The following KIAA1328 variants were observed in gnomAD, a reference collection of about 807,000 sequenced individuals.
KIAA1328 encodes the protein KIAA1328.
Under a neutral mutation model 68.1 loss-of-function variants are expected in KIAA1328, and 52 were observed. That is an observed-to-expected ratio of 0.76 (90% CI 0.61 to 0.96). The LOEUF (loss-of-function observed/expected upper bound fraction) is 0.96. Among genes scored for constraint, KIAA1328 ranks in the 40% least tolerant of loss-of-function variants. The probability of loss-of-function intolerance (pLI) is 0.00; values close to 1 mark genes in which losing one functional copy is unlikely to be tolerated. For synonymous variants in KIAA1328, 232 were observed against 239.4 expected, an observed-to-expected ratio of 0.97 and a Z score of 0.28; for missense variants, 641 against 677.6, an observed-to-expected ratio of 0.95 and a Z score of 0.60.
intron 6 of KIAA1328, among the ~76,000 whole-genome samples, chr18:37,016,363 A>G (rs551001786): frequency 5.0e-4 from 76 of 152,080 alleles, no homozygotes; most frequent in Non-Finnish European, 9.6e-4. Flanking sequence ...ATCATAGTGA[A>G]TTAACTTTTG....
chr18:37,125,508 G>A (rs1250004871), intron 7 of KIAA1328, among the ~76,000 whole-genome samples: 3 of 151,984 alleles, frequency 2.0e-5, no homozygotes, highest in Admixed American at 6.6e-5. Context: ...GTTAGAAGCA[G>A]AAATCAATGA....
chr18:36,983,950 A>G (rs907206978), intron 6 of KIAA1328, among the ~76,000 whole-genome samples: 2 of 152,194 alleles, frequency 1.3e-5, no homozygotes, highest in African/African-American at 4.8e-5. Flanking sequence ...TTAATTTAGC[A>G]TTTGGAAACC....
intron 7 of KIAA1328, among the ~76,000 whole-genome samples, chr18:37,070,768 G>A (rs1243631024): frequency 6.6e-6 from 1 of 151,726 alleles, no homozygotes; most frequent in African/African-American, 2.4e-5. Flanking sequence ...AGTAGAGATG[G>A]GGTTTTACCA....
rs568909705 is a variant in KIAA1328 at position 37,100,532 on chromosome 18, C to G, written c.1232+32987C>G. Among the ~76,000 whole-genome samples, 3 of 152,316 alleles carry G rather than the reference C, an allele frequency of 2.0e-5. No homozygotes were observed. In the South Asian group the frequency reaches 6.2e-4, roughly 32 times the overall value. ...AAACAAAGCGGCCAGGAGGCTCAAA[C>G]TGGGTGGAGCCCACCGCAGCTCAAG... On this transcript the variant is annotated intron_variant, in intron 7 of 9. Transcript: ENST00000280020.
chr18:36,916,161 T>C (rs2049689950), intron 5 of KIAA1328, among the ~76,000 whole-genome samples: 1 of 152,064 alleles, frequency 6.6e-6, no homozygotes, highest in Non-Finnish European at 1.5e-5. Context: ...TCTTGCAGTA[T>C]ATTTTCCAAC....
intron 4 of KIAA1328, among the ~76,000 whole-genome samples, chr18:36,860,110 C>G (rs576895060): frequency 1.1e-3 from 163 of 151,966 alleles, no homozygotes; most frequent in Middle Eastern, 6.8e-3. Context: ...TATTTGATAG[C>G]TATCTGAATT....
intron 9 of KIAA1328, among the ~76,000 whole-genome samples, chr18:37,185,578 C>T (rs2059779897): frequency 6.6e-6 from 1 of 152,198 alleles, no homozygotes; most frequent in African/African-American, 2.4e-5. Flanking sequence ...CAAAGACTAT[C>T]AGCAAGACTA....
At chr18:37,035,574 C>CT (rs2054994015) in intron 6 of KIAA1328, among the ~76,000 whole-genome samples, 1 of 152,082 alleles carries the variant, frequency 6.6e-6, no homozygotes, top group African/African-American at 2.4e-5. Context: ...AAGAAATGAC[C>CT]AGTGTGCTTA....
At chr18:37,071,832 G>A (rs1194584119) in intron 7 of KIAA1328, among the ~76,000 whole-genome samples, 1 of 152,108 alleles carries the variant, frequency 6.6e-6, no homozygotes, top group Admixed American at 6.5e-5. Context: ...TAAATTAAAT[G>A]TAGAAATTTG....
intron 6 of KIAA1328, among the ~76,000 whole-genome samples, chr18:36,983,026 T>A (rs966659755): frequency 2.7e-4 from 41 of 151,938 alleles, no homozygotes; most frequent in African/African-American, 9.4e-4. Flanking sequence ...CTGGTTTTTT[T>A]AAAAAAATTA....
chr18:37,217,263 C>T (rs915164625), intron 9 of KIAA1328, among the ~76,000 whole-genome samples: 4 of 152,126 alleles, frequency 2.6e-5, no homozygotes, highest in Non-Finnish European at 4.4e-5. Context: ...CTCCTAGCAT[C>T]GATGGTCTTT....
chr18:36,973,812 T>TACACACACACACACACAC (rs761416952), intron 6 of KIAA1328, among the ~76,000 whole-genome samples: 10 of 103,686 alleles, frequency 9.6e-5, no homozygotes, highest in East Asian at 8.4e-4. Flanking sequence ...TGTACGCACA[T>TACACACACACACACACAC]ACACACACAC....
chr18:37,016,634 C>A (rs2054162236), intron 6 of KIAA1328, among the ~76,000 whole-genome samples: 1 of 152,060 alleles, frequency 6.6e-6, no homozygotes, highest in African/African-American at 2.4e-5. Flanking sequence ...ATTACTGATT[C>A]AATTTCAAAA....
intron 6 of KIAA1328, among the ~76,000 whole-genome samples, chr18:36,966,017 C>G (rs1363706985): frequency 6.6e-6 from 1 of 151,742 alleles, no homozygotes; most frequent in East Asian, 1.9e-4. Flanking sequence ...TTGTTCCTTG[C>G]TAGGCCTGCC....
chr18:36,928,986 A>G (rs72887095), intron 5 of KIAA1328, among the ~76,000 whole-genome samples: 20,718 of 152,128 alleles, frequency 0.14, 1,758 homozygotes, highest in Admixed American at 0.18. Flanking sequence ...CCAGCTTCTG[A>G]TAAGGCTGTC....
intron 4 of KIAA1328, among the ~76,000 whole-genome samples, chr18:36,854,825 A>C (rs764840490): frequency 2.6e-5 from 4 of 152,044 alleles, no homozygotes; most frequent in Admixed American, 2.0e-4. Flanking sequence ...AACGGTATTT[A>C]TTTCTCCTCT....
intron 9 of KIAA1328, among the ~76,000 whole-genome samples, chr18:37,219,597 A>C (rs1015908538): frequency 6.6e-6 from 1 of 152,118 alleles, no homozygotes; most frequent in Admixed American, 6.5e-5. Flanking sequence ...CTGCACTAAC[A>C]GTGAGCAAGC....
chr18:37,190,787 A>C (rs1016124531), intron 9 of KIAA1328, among the ~76,000 whole-genome samples: 1 of 152,188 alleles, frequency 6.6e-6, no homozygotes, highest in Non-Finnish European at 1.5e-5. Flanking sequence ...ATGCTGGCCC[A>C]GTGTCAACTA....
intron 7 of KIAA1328, among the ~76,000 whole-genome samples, chr18:37,068,757 A>C (rs375328426): frequency 3.5e-4 from 53 of 152,050 alleles, no homozygotes; most frequent in African/African-American, 1.2e-3. Context: ...ATTTTCTCCC[A>C]GTCTGTAACT....
Sources: gnomAD v4.1 joint callset for allele counts (sites outside exome capture counted in the v4.1 genomes callset) on GRCh38, gnomAD v4.1.1 for gene constraint, MANE v1.5 for transcripts, NCBI Gene and HGNC (gene_info 2026-07-23, HGNC 2026-07-21) for gene names.